Variants in DCC observed in about 807,000 individuals in gnomAD.
DCC encodes DCC netrin 1 receptor, also known as netrin receptor DCC.
Under a neutral mutation model 172.5 loss-of-function variants are expected in DCC, and 58 were observed. The observed-to-expected ratio is 0.34, with a 90% CI of 0.27 to 0.42. The LOEUF is 0.42. Among genes scored for constraint, DCC ranks in the 10% least tolerant of loss-of-function variants. The probability of loss-of-function intolerance (pLI) is 1.00; values close to 1 mark genes in which losing one functional copy is unlikely to be tolerated. For missense variants in DCC, 1,740 were observed against 1,791.0 expected (o/e 0.97, Z 0.51); for synonymous variants, 709 against 644.5 (o/e 1.10, Z -1.52).
At chr18:53,323,573 C>T (rs2057434939) in intron 14 of DCC, among the ~76,000 whole-genome samples, 1 of 151,996 alleles carries the variant, frequency 6.6e-6, no homozygotes, top group Admixed American at 6.6e-5. Context: ...TAGGAAGTTG[C>T]CATTGTTGTA....
At position 53,334,606 on chromosome 18, in the gene DCC, G is replaced by C. The variant is rs552909489; in HGVS notation, c.2165-5107G>C. Among the ~76,000 whole-genome samples the C allele has an allele frequency of 7.2e-5, 11 of 152,146 alleles. No individual in the cohort carries two copies. In the East Asian group the frequency reaches 2.1e-3, roughly 29 times the overall value. ...CAACCTCCCCAACCCCCAGCCTCTG[G>C]CAACCACCATTCTCTTTTCTGTCTC... On this transcript the variant is annotated intron_variant, in intron 14 of 28. Transcript: ENST00000442544.
intron 2 of DCC, among the ~76,000 whole-genome samples, chr18:52,796,785 C>G (rs1041092843): frequency 1.3e-5 from 2 of 152,098 alleles, no homozygotes; most frequent in African/African-American, 4.8e-5. Context: ...AATAATGTGG[C>G]TTGGAGAAGA....
chr18:53,266,852 A>G (rs2056681050), intron 12 of DCC, among the ~76,000 whole-genome samples: 1 of 151,808 alleles, frequency 6.6e-6, no homozygotes, highest in South Asian at 2.1e-4. Context: ...GCACGTGCCA[A>G]TATTTTATTC....
At chr18:52,969,582 C>CCCTCTCTCT (rs1555689589) in intron 5 of DCC, among the ~76,000 whole-genome samples, 1 of 80,062 alleles carries the variant, frequency 1.2e-5, no homozygotes, top group Admixed American at 1.4e-4. Context: ...GCCCCGCCCC[C>CCCTCTCTCT]CACTCTCTCT....
At chr18:52,983,313 C>T (rs946457171) in intron 5 of DCC, among the ~76,000 whole-genome samples, 9 of 152,120 alleles carry the variant, frequency 5.9e-5, no homozygotes, top group Non-Finnish European at 1.0e-4. Flanking sequence ...GGGTGAGACA[C>T]AGAAGTGGAC....
intron 19 of DCC, among the ~76,000 whole-genome samples, chr18:53,408,666 C>A (rs1380927927): frequency 6.6e-6 from 1 of 152,094 alleles, no homozygotes. Flanking sequence ...AATTGGTGGC[C>A]ATCAAAGATT....
intron 7 of DCC, among the ~76,000 whole-genome samples, chr18:53,146,075 T>G (rs1390238785): frequency 6.6e-6 from 1 of 151,830 alleles, no homozygotes; most frequent in African/African-American, 2.4e-5. Context: ...CTACTAAAAA[T>G]GCAAAAATTA....
At chr18:52,916,978 G>T (rs1364264967) in intron 3 of DCC, among the ~76,000 whole-genome samples, 1 of 151,572 alleles carries the variant, frequency 6.6e-6, no homozygotes, top group Non-Finnish European at 1.5e-5. Flanking sequence ...TATTTTTGAT[G>T]GGGTAAAAAT....
chr18:53,087,271 C>T (rs2042928222), intron 7 of DCC, among the ~76,000 whole-genome samples: 1 of 151,472 alleles, frequency 6.6e-6, no homozygotes, highest in Non-Finnish European at 1.5e-5. Flanking sequence ...CTGTTGTTTC[C>T]TGACTTTTTA....
chr18:52,926,955 C>CATATATATGTATATATATATACA (rs35060059), intron 5 of DCC, among the ~76,000 whole-genome samples: 1 of 138,018 alleles, frequency 7.2e-6, no homozygotes, highest in Non-Finnish European at 1.6e-5. Flanking sequence ...GATATATACA[C>CATATATATGTATATATATATACA]TATATATGGA....
chr18:53,101,250 G>A (rs2043168423), intron 7 of DCC, among the ~76,000 whole-genome samples: 1 of 152,010 alleles, frequency 6.6e-6, no homozygotes, highest in African/African-American at 2.4e-5. Flanking sequence ...GAGGTGTCTT[G>A]GGCACACAGA....
chr18:53,328,278 T>C (rs1386200962), intron 14 of DCC, among the ~76,000 whole-genome samples: 3 of 152,176 alleles, frequency 2.0e-5, no homozygotes, highest in Non-Finnish European at 4.4e-5. Context: ...ATGTAAAGGA[T>C]CAGGTGGGTT....
chr18:52,945,659 TAGAG>T (rs1386430178), intron 5 of DCC, among the ~76,000 whole-genome samples: 6 of 152,180 alleles, frequency 3.9e-5, no homozygotes, highest in Admixed American at 2.0e-4. Flanking sequence ...TGCACTGGCT[TAGAG>T]AGCTGAGCTG....
intron 1 of DCC, among the ~76,000 whole-genome samples, chr18:52,638,280 C>CA (rs201653459): frequency 0.16 from 23,401 of 149,756 alleles, 1,922 homozygotes; most frequent in Admixed American, 0.23. Flanking sequence ...AAACAAAAAA[C>CA]AAAAAAAAAC....
intron 21 of DCC, among the ~76,000 whole-genome samples, chr18:53,420,871 G>A (rs1395229855): frequency 6.6e-6 from 1 of 152,128 alleles, no homozygotes; most frequent in Non-Finnish European, 1.5e-5. Flanking sequence ...TTTTTCAGAA[G>A]CAGAAGGTAA....
At chr18:53,187,657 G>A (rs1258194244) in intron 9 of DCC, among the ~76,000 whole-genome samples, 1 of 152,126 alleles carries the variant, frequency 6.6e-6, no homozygotes, top group Non-Finnish European at 1.5e-5. Context: ...TCTGCCTGCT[G>A]TAATATATGG....
intron 12 of DCC, 112 bp from the exon 13 acceptor site, chr18:53,305,466 A>G: frequency 3.5e-6 from 3 of 869,206 alleles, no homozygotes; most frequent in Non-Finnish European, 5.8e-6. Context: ...GGCAATCGCT[A>G]ACACTTCTTG....
At chr18:53,271,150 T>C (rs1197997245) in intron 12 of DCC, among the ~76,000 whole-genome samples, 3 of 152,172 alleles carry the variant, frequency 2.0e-5, no homozygotes, top group South Asian at 4.2e-4. Flanking sequence ...ACTAGAGTGT[T>C]TTGGTTAATA....
intron 7 of DCC, among the ~76,000 whole-genome samples, chr18:53,135,837 T>C (rs1336513464): frequency 1.3e-5 from 2 of 152,156 alleles, no homozygotes; most frequent in Non-Finnish European, 2.9e-5. Flanking sequence ...ATTTTTCTAC[T>C]TGACTAATTG....
Sources: allele counts gnomAD v4.1 joint callset (sites outside exome capture counted in the v4.1 genomes callset), GRCh38; gene constraint gnomAD v4.1.1; transcripts MANE v1.5; gene names NCBI Gene and HGNC (gene_info 2026-07-23, HGNC 2026-07-21).